The following VTI1A variants were observed in gnomAD, a reference collection of about 807,000 sequenced individuals.
VTI1A encodes the protein vesicle transport through interaction with t-SNAREs 1A, also known as vesicle transport through interaction with t-SNAREs homolog 1A.
In VTI1A, 22 loss-of-function variants were observed where a neutral mutation model predicts 34.9. The observed-to-expected ratio is 0.63, with a 90% CI of 0.45 to 0.90. The LOEUF is 0.90. Among genes scored for constraint, VTI1A ranks in the 40% least tolerant of loss-of-function variants. The pLI is 0.00. For missense variants in VTI1A, 268 were observed against 275.6 expected (o/e 0.97, Z 0.20); for synonymous variants, 87 against 97.3 (o/e 0.89, Z 0.62).
intron 7 of VTI1A, among the ~76,000 whole-genome samples, chr10:112,684,078 A>G (rs551234583): frequency 6.6e-6 from 1 of 152,176 alleles, no homozygotes; most frequent in South Asian, 2.1e-4. Flanking sequence ...TTGTAAGGGT[A>G]AAAAACGTTA....
chr10:112,855,180 T>C, the VTI1A span, among the ~76,000 whole-genome samples: 17 of 152,092 alleles, frequency 1.1e-4, no homozygotes, highest in Non-Finnish European at 2.4e-4. Flanking sequence ...GTGTTGAACT[T>C]CCTATTTTGT....
At chr10:112,774,714 G>T (rs139744801) in intron 7 of VTI1A, among the ~76,000 whole-genome samples, 21 of 152,126 alleles carry the variant, frequency 1.4e-4, no homozygotes, top group African/African-American at 3.9e-4. Flanking sequence ...ATGGATGAAA[G>T]TCACTTGAGT....
intron 5 of VTI1A, chr10:112,634,026 C>T (rs1325647638): frequency 6.6e-6 from 1 of 152,394 alleles, no homozygotes; most frequent in Non-Finnish European, 1.5e-5. Flanking sequence ...AGCTTTCTTC[C>T]CTTTTGGTTG....
intron 7 of VTI1A, among the ~76,000 whole-genome samples, chr10:112,755,028 A>G (rs1397839650): frequency 1.3e-5 from 2 of 152,064 alleles, no homozygotes; most frequent in African/African-American, 4.8e-5. Context: ...AGGCTAAGGT[A>G]GGCAGGAGTT....
chr10:112,666,413 C>T (rs1428847766), intron 5 of VTI1A, among the ~76,000 whole-genome samples: 1 of 152,106 alleles, frequency 6.6e-6, no homozygotes, highest in Non-Finnish European at 1.5e-5. Context: ...AACACAAATT[C>T]TTCTGTTAAC....
chr10:112,777,541 A>G (rs910547976), intron 7 of VTI1A, among the ~76,000 whole-genome samples: 8 of 152,196 alleles, frequency 5.3e-5, no homozygotes, highest in Non-Finnish European at 1.0e-4. Flanking sequence ...TGAAAACAAG[A>G]CTTCGCCAAA....
At position 112,817,253 on chromosome 10, in the gene VTI1A, T is replaced by G. The variant is rs1266433980; in HGVS notation, c.*1870T>G. 4.3e-6 allele frequency: 1 copy of G among 232,276 alleles called. No individual in the cohort carries two copies. Among genetic ancestry groups the G allele is most frequent in the African/African-American group, 2.2e-5 (1 of 45,278 alleles). The allele number at this position is 232,276 out of a possible 1,614,324, so 14.4% of individuals were successfully genotyped here. On this transcript the variant is annotated 3_prime_UTR_variant, in exon 8 of 8. Coordinates refer to ENST00000393077, the MANE Select transcript of VTI1A (RefSeq NM_145206.4). ...ATCTTAGCTAAAGTGTATAACCAGT[T>G]ACCAGCTGCACTTCGCACGGCCATC...
chr10:112,495,021 C>T (rs2076303368), intron 3 of VTI1A, among the ~76,000 whole-genome samples: 1 of 151,882 alleles, frequency 6.6e-6, no homozygotes, highest in African/African-American at 2.4e-5. Context: ...CTTTTAAGGT[C>T]TCAGTAATTG....
rs144769982 is a variant in VTI1A at position 112,756,210 on chromosome 10, G to A, written c.561-59080G>A. 2.8e-3 allele frequency among the ~76,000 whole-genome samples: 429 copies of A among 152,278 alleles called. 2 individuals carry two copies. The highest frequency in any genetic ancestry group is 5.2e-3 in the Non-Finnish European group (351 of 68,030). ...GAACTAGCTGGTTGGCAACTCCACA[G>A]GCACATAAGGAATGTGCAATTAAGC... On this transcript the variant is annotated intron_variant, in intron 7 of 7. Transcript: ENST00000393077.
intron 7 of VTI1A, among the ~76,000 whole-genome samples, chr10:112,697,866 ATGTGTG>A (rs67142519): frequency 0.022 from 3,033 of 134,896 alleles, 84 homozygotes; most frequent in African/African-American, 0.066. Flanking sequence ...TAGCATTTAC[ATGTGTG>A]TGTGTGTGTG....
chr10:112,644,522 G>A (rs1050712701), intron 5 of VTI1A, among the ~76,000 whole-genome samples: 3 of 152,182 alleles, frequency 2.0e-5, no homozygotes, highest in Admixed American at 2.0e-4. Flanking sequence ...ATTGGATAAT[G>A]AACTGTTAAG....
At chr10:112,788,310 G>A (rs1054301565) in intron 7 of VTI1A, among the ~76,000 whole-genome samples, 4 of 152,002 alleles carry the variant, frequency 2.6e-5, no homozygotes, top group East Asian at 1.9e-4. Flanking sequence ...TTTGCTTCAC[G>A]TTTTTCAAGA....
chr10:112,576,051 C>A (rs561790880), intron 5 of VTI1A, among the ~76,000 whole-genome samples: 1 of 127,750 alleles, frequency 7.8e-6, no homozygotes, highest in African/African-American at 3.0e-5. Flanking sequence ...GAGGGAGTCT[C>A]GCTCTTTCGC....
chr10:112,640,050 T>C lies in VTI1A; in HGVS notation c.428-28168T>C, dbSNP rs17129939. ...TTGAAGAGTAATGATTCAAGGGCCA[T>C]TTGGAGTTAAAATAGAAATATGAAA... On this transcript the variant is annotated intron_variant, in intron 5 of 7. Transcript: ENST00000393077. 7.8e-3 allele frequency among the ~76,000 whole-genome samples: 1,186 copies of C among 152,322 alleles called. 11 individuals are homozygous for C. Among genetic ancestry groups the C allele is most frequent in the African/African-American group, 0.028 (1,145 of 41,582 alleles).
chr10:112,553,170 T>A (rs1358277793), intron 5 of VTI1A, among the ~76,000 whole-genome samples: 2 of 152,236 alleles, frequency 1.3e-5, no homozygotes, highest in Non-Finnish European at 2.9e-5. Flanking sequence ...GCACAGAAAT[T>A]ATTTTTTCAT....
chr10:112,669,679 T>A (rs1418618374), intron 7 of VTI1A, among the ~76,000 whole-genome samples: 1 of 152,146 alleles, frequency 6.6e-6, no homozygotes, highest in African/African-American at 2.4e-5. Flanking sequence ...AGCACGACTG[T>A]CAGTTTGGAA....
intron 7 of VTI1A, among the ~76,000 whole-genome samples, chr10:112,787,886 G>A (rs1852341482): frequency 6.6e-6 from 1 of 150,940 alleles, no homozygotes; most frequent in African/African-American, 2.4e-5. Flanking sequence ...ATTTTTAGTA[G>A]AGACGGGGTT....
intron 3 of VTI1A, among the ~76,000 whole-genome samples, chr10:112,497,224 A>T (rs1849059223): frequency 1.3e-5 from 2 of 152,072 alleles, no homozygotes; most frequent in East Asian, 3.9e-4. Context: ...AGGCTGAGGC[A>T]GGCGAATCAC....
chr10:112,580,749 G>A lies in VTI1A; in HGVS notation c.427+42419G>A, dbSNP rs559158830. Among the ~76,000 whole-genome samples the A allele has an allele frequency of 8.5e-5, 13 of 152,222 alleles. No individual in the cohort carries two copies. The East Asian group carries it at 2.3e-3, about 27-fold the overall frequency. On this transcript the variant is annotated intron_variant, in intron 5 of 7. Transcript: ENST00000393077. ...ATCAGGGTGACAGATAGGAGGAAAA[G>A]GGGGGCATCAGGTGATTGACATTTC... is the stretch of plus-strand genomic sequence containing the variant.
Sources: allele counts gnomAD v4.1 joint callset (sites outside exome capture counted in the v4.1 genomes callset), GRCh38; gene constraint gnomAD v4.1.1; transcripts MANE v1.5; gene names NCBI Gene and HGNC (gene_info 2026-07-23, HGNC 2026-07-21).